EARS2: variants seen among roughly 807,000 people sequenced by gnomAD.
The protein encoded by EARS2 is glutamyl-tRNA synthetase 2, mitochondrial, also known as nondiscriminating glutamyl-tRNA synthetase EARS2, mitochondrial.
In EARS2, 50 loss-of-function variants were observed where a neutral mutation model predicts 54.1. The ratio of observed to expected loss-of-function variants is 0.92; its 90% confidence interval spans 0.74 to 1.17. The LOEUF (loss-of-function observed/expected upper bound fraction) is 1.17. EARS2 is among the 50% of genes most tolerant of loss of function. EARS2 has a pLI of 0.00. For synonymous variants in EARS2, 298 were observed against 281.0 expected (o/e 1.06, Z -0.61); for missense variants, 673 against 675.0 (o/e 1.00, Z 0.03).
intron 2 of EARS2, 121 bp downstream of exon 2, chr16:23,552,028 T>G: frequency 7.8e-7 from 1 of 1,288,990 alleles, no homozygotes; most frequent in Non-Finnish European, 1.1e-6. Context: ...GCAGTACAAA[T>G]GTAGCCACTT....
At chr16:23,547,263 T>C (rs1171703560) in intron 2 of EARS2, among the ~76,000 whole-genome samples, 2 of 152,168 alleles carry the variant, frequency 1.3e-5, no homozygotes, top group Non-Finnish European at 2.9e-5. Flanking sequence ...CCATATATTA[T>C]ATGATCTCAT....
chr16:23,548,949 C>G (rs946378522), intron 2 of EARS2, among the ~76,000 whole-genome samples: 1 of 152,152 alleles, frequency 6.6e-6, no homozygotes, highest in Non-Finnish European at 1.5e-5. Flanking sequence ...TTTCAGGGTC[C>G]CCTCTCGCAG....
chr16:23,536,669 A>C (rs1477952971), intron 3 of EARS2, among the ~76,000 whole-genome samples: 2 of 151,476 alleles, frequency 1.3e-5, no homozygotes, highest in African/African-American at 4.8e-5. Context: ...CTCAAAAAAA[A>C]AACTTTTTTT....
chr16:23,534,889 T>C lies in EARS2; in HGVS notation c.957A>G (p.Ala319=). The change falls in exon 4 of 9, where the codon GCA becomes GCG. Residue 319 remains alanine, a splice_region_variant and synonymous_variant. Transcript: ENST00000449606. ...AGGACTATTCAGGTGGGCACGTACCTGCAAAACCTGAGCCACAGTTGGTGA... is the reference window on the plus strand; with the variant it reads ...AGGACTATTCAGGTGGGCACGTACCCGCAAAACCTGAGCCACAGTTGGTGA... ...DIITNCGSGF[A]ENQMGRTLPE... 2 of 1,568,628 alleles carry C rather than the reference T, an allele frequency of 1.3e-6. No homozygotes were observed. Among genetic ancestry groups the C allele is most frequent in the Non-Finnish European group, 1.7e-6 (2 of 1,153,996 alleles).
At chr16:23,557,022 G>C (rs1400615621) in intron 1 of EARS2, 183 bp downstream of exon 1, 3 of 924,692 alleles carry the variant, frequency 3.2e-6, no homozygotes, top group African/African-American at 1.6e-5. Flanking sequence ...GAAACTCCTG[G>C]CAATTTGAAT....
intron 5 of EARS2, among the ~76,000 whole-genome samples, chr16:23,532,339 T>C (rs1009764809): frequency 1.3e-5 from 2 of 152,150 alleles, no homozygotes; most frequent in African/African-American, 2.4e-5. Flanking sequence ...ACAGAGTCCA[T>C]GCAAGGGGTG....
rs1965418714 is a variant in EARS2, at chr16:23,536,431, CCTGT to C, written c.486-1075_486-1072del. ...ACCAGCGTGGGTAACATAGCAAAAT[CCTGT>C]CTCTTATTTAAAAATTTAAAATACC... On this transcript the variant is annotated intron_variant, in intron 3 of 8. Transcript: ENST00000449606. 2.0e-5 allele frequency among the ~76,000 whole-genome samples: 3 copies of C among 151,970 alleles called. No homozygotes were observed. In the South Asian group the frequency reaches 6.2e-4, roughly 32 times the overall value.
At chr16:23,529,407 G>A (rs1965283119) in intron 7 of EARS2, 95 bp downstream of exon 7, 2 of 1,492,600 alleles carry the variant, frequency 1.3e-6, no homozygotes, top group Admixed American at 2.1e-5. Context: ...AGTTGTGCTG[G>A]GGCCCCAACA....
Position 23,556,962 on chromosome 16 carries a change from G to C in EARS2, c.139+243C>G, listed in dbSNP as rs772523253. The C allele has an allele frequency of 2.3e-5, 16 of 699,634 alleles. 1 individual carries two copies. Among genetic ancestry groups the C allele is most frequent in the South Asian group, 2.1e-4 (14 of 66,038 alleles). The allele number at this position is 699,634 out of a possible 1,614,324, so 43.3% of individuals were successfully genotyped here. ...AGGTTGTCATCAATGCACATGTATGGAATGCATGAAAAAAAGATCGAAAGA... is the reference window on the plus strand; with the variant it reads ...AGGTTGTCATCAATGCACATGTATGCAATGCATGAAAAAAAGATCGAAAGA... On this transcript the variant is annotated intron_variant, in intron 1 of 8. Coordinates refer to ENST00000449606, the MANE Select transcript of EARS2 (RefSeq NM_001083614.2).
At chr16:23,544,048 G>A (rs9302414) in intron 3 of EARS2, among the ~76,000 whole-genome samples, 12,522 of 152,150 alleles carry the variant, frequency 0.082, 918 homozygotes, top group African/African-American at 0.19. Flanking sequence ...GGTCCCAAGC[G>A]TTCCAGAGAA....
intron 8 of EARS2, 69 bp from the exon 9 acceptor site, chr16:23,524,523 G>T: frequency 7.2e-7 from 1 of 1,396,584 alleles, no homozygotes; most frequent in Non-Finnish European, 1.0e-6. Context: ...CTCAGCCTTA[G>T]TCTGCAGAAA....
intron 2 of EARS2, among the ~76,000 whole-genome samples, chr16:23,550,253 G>A (rs1407035928): frequency 6.6e-6 from 1 of 151,954 alleles, no homozygotes; most frequent in African/African-American, 2.4e-5. Context: ...TATGGTGCCA[G>A]CTACCCAGGA....
chr16:23,526,235 C>A (rs1227476063), intron 7 of EARS2, among the ~76,000 whole-genome samples: 3 of 150,926 alleles, frequency 2.0e-5, no homozygotes, highest in South Asian at 2.1e-4. Flanking sequence ...GCCTTAGCCT[C>A]CTGAGTAGCT....
chr16:23,536,686 T>TG (rs2142173962), intron 3 of EARS2, among the ~76,000 whole-genome samples: 2 of 145,718 alleles, frequency 1.4e-5, no homozygotes, highest in East Asian at 4.0e-4. Context: ...TTTTTTCTTT[T>TG]TTTTTTTTTT....
intron 2 of EARS2, 51 bp from the exon 3 acceptor site, chr16:23,544,754 A>T (rs929006638): frequency 1.3e-6 from 2 of 1,483,258 alleles, no homozygotes; most frequent in Admixed American, 2.1e-5. Context: ...GCTCGTTCTC[A>T]GGCATTGCTC....
chr16:23,546,378 G>A (rs773398971), intron 2 of EARS2: 32 of 455,850 alleles, frequency 7.0e-5, no homozygotes, highest in Non-Finnish European at 1.1e-4. Flanking sequence ...GGGTTCAAAC[G>A]TACCAGCCAG....
Position 23,521,403 on chromosome 16 carries a change from A to AT in EARS2, c.*2967dup, listed in dbSNP as rs563341460. 8.7e-4 allele frequency among the ~76,000 whole-genome samples: 125 copies of AT among 144,022 alleles called. No individual in the cohort carries two copies. The highest frequency in any genetic ancestry group is 1.6e-3 in the East Asian group (8 of 4,976). The allele number at this position is 144,022 out of a possible 152,430, so 94.5% of individuals were successfully genotyped here. ...CTATCCTTTTAACTTTATTTTATTC[A>AT]TTTTTTTTTTTTTAGACACAGGATC... is the stretch of plus-strand genomic sequence containing the variant. On this transcript the variant is annotated 3_prime_UTR_variant, in exon 9 of 9. Coordinates refer to ENST00000449606, the MANE Select transcript of EARS2 (RefSeq NM_001083614.2).
intron 1 of EARS2, among the ~76,000 whole-genome samples, chr16:23,556,347 A>T (rs921667485): frequency 6.6e-6 from 1 of 152,180 alleles, no homozygotes; most frequent in African/African-American, 2.4e-5. Flanking sequence ...TCCTCTACCC[A>T]GAAGGTTCCT....
chr16:23,553,295 A>C (rs1306543675), intron 1 of EARS2, among the ~76,000 whole-genome samples: 2 of 152,172 alleles, frequency 1.3e-5, no homozygotes, highest in Non-Finnish European at 2.9e-5. Flanking sequence ...CCCCAACTGC[A>C]TCCACCACTC....
Sources: gnomAD v4.1 joint callset for allele counts (sites outside exome capture counted in the v4.1 genomes callset) on GRCh38, gnomAD v4.1.1 for gene constraint, MANE v1.5 for transcripts, NCBI Gene and HGNC (gene_info 2026-07-23, HGNC 2026-07-21) for gene names.